Variants in GRK5 observed in about 807,000 individuals in gnomAD.
The protein encoded by GRK5 is g protein-coupled receptor kinase GRK5.
A neutral mutation model predicts 78.4 loss-of-function variants in GRK5; 40 were observed. That is an observed-to-expected ratio of 0.51 (90% CI 0.40 to 0.66). GRK5 has a LOEUF of 0.66. Ranked by LOEUF, GRK5 falls within the 30% of genes least tolerant of loss-of-function variation. The pLI is 0.00. For synonymous variants in GRK5, 289 were observed against 296.8 expected (o/e 0.97, Z 0.27); for missense variants, 598 against 759.9 (o/e 0.79, Z 2.50).
intron 2 of GRK5, among the ~76,000 whole-genome samples, chr10:119,356,238 G>T (rs1469703248): frequency 6.6e-6 from 1 of 152,174 alleles, no homozygotes; most frequent in Non-Finnish European, 1.5e-5. Flanking sequence ...TTCATTATTT[G>T]ATATTCTTAG....
At chr10:119,269,353 A>G (rs1410705209) in intron 1 of GRK5, among the ~76,000 whole-genome samples, 1 of 152,150 alleles carries the variant, frequency 6.6e-6, no homozygotes, top group Non-Finnish European at 1.5e-5. Flanking sequence ...CCCCAAACCC[A>G]TGGAAGGGGT....
In GRK5 at chr10:119,271,153, C is replaced by T. The variant is rs577456478; in HGVS notation, c.53-55363C>T. On this transcript the variant is annotated intron_variant, in intron 1 of 15. Transcript: ENST00000392870. This position sits in a 1 kb window ranked among gnomAD's most constrained non-coding sequence, Gnocchi z 4.1. ...GCACCAGGACCTGGGGTGGCGCCGG[C>T]GCCGTTAGGGAGGGAGTGTTCACCG... Among the ~76,000 whole-genome samples the T allele has an allele frequency of 9.8e-5, 15 of 152,328 alleles. No individual in the cohort carries two copies. The highest frequency in any genetic ancestry group is 2.2e-4 in the African/African-American group (9 of 41,586).
intron 2 of GRK5, among the ~76,000 whole-genome samples, chr10:119,343,934 C>T (rs1275951907): frequency 1.3e-5 from 2 of 152,116 alleles, no homozygotes; most frequent in Non-Finnish European, 2.9e-5. Context: ...AAGTATCCAG[C>T]CCAGGACTTG....
chr10:119,396,707 G>T lies in GRK5; in HGVS notation c.274G>T (p.Val92Phe). 1 of 1,612,654 alleles carries T rather than the reference G, an allele frequency of 6.2e-7. No homozygotes were observed. Among genetic ancestry groups the T allele is most frequent in the East Asian group, 2.2e-5 (1 of 44,888 alleles). ...QFLDSVAEYE[V>F]TPDEKLGEKG... ...CCTTCTGTTTTAGGCAGAATATGAA[G>T]TTACTCCAGATGAAAAACTGGGAGA... Residue 92 changes from valine (V) to phenylalanine (F), a missense_variant, in exon 4 of 16, where the codon GTT becomes TTT. Val to Phe is a conservative substitution (Grantham distance 50, BLOSUM62 -1). Coordinates refer to ENST00000392870, the MANE Select transcript of GRK5 (RefSeq NM_005308.3).
chr10:119,266,131 G>A (rs1441320239), intron 1 of GRK5, among the ~76,000 whole-genome samples: 1 of 152,222 alleles, frequency 6.6e-6, no homozygotes, highest in East Asian at 1.9e-4. Context: ...GGCCTGGACT[G>A]TGCAGTCTGA....
chr10:119,269,958 G>T (rs1849559715), intron 1 of GRK5, among the ~76,000 whole-genome samples: 1 of 151,936 alleles, frequency 6.6e-6, no homozygotes. Context: ...AGGGGGCCTT[G>T]TGCCAGTCCC....
chr10:119,452,086 C>T lies in GRK5; in HGVS notation c.1405-585C>T, dbSNP rs1040518603. Among the ~76,000 whole-genome samples, 34 of 152,184 alleles carry T rather than the reference C, an allele frequency of 2.2e-4. No homozygotes were observed. Among genetic ancestry groups the T allele is most frequent in the African/African-American group, 7.0e-4 (29 of 41,434 alleles). Reference sequence around the variant, plus strand: ...AGGCCCCCAGTGCACAGCTGAGGGACGAGTAAGGCAAAAGATATGCCTACC... The same window carrying T: ...AGGCCCCCAGTGCACAGCTGAGGGATGAGTAAGGCAAAAGATATGCCTACC... On this transcript the variant is annotated intron_variant, in intron 13 of 15. Coordinates refer to ENST00000392870, the MANE Select transcript of GRK5 (RefSeq NM_005308.3). The surrounding 1 kb of genome is among the most constrained non-coding windows in gnomAD (Gnocchi z 4.4).
At position 119,238,643 on chromosome 10, in the gene GRK5, G is replaced by T. The variant is rs1848971514; in HGVS notation, c.52+30674G>T. 6.6e-6 allele frequency among the ~76,000 whole-genome samples: 1 copy of T among 152,212 alleles called. No homozygotes were observed. The highest frequency in any genetic ancestry group is 1.5e-5 in the Non-Finnish European group (1 of 68,046). On this transcript the variant is annotated intron_variant, in intron 1 of 15. Coordinates refer to ENST00000392870, the MANE Select transcript of GRK5 (RefSeq NM_005308.3). The surrounding 1 kb of genome is among the most constrained non-coding windows in gnomAD (Gnocchi z 4.7). Reference sequence around the variant, plus strand: ...GCCGTTGACCTGAGCTTCAGTGCCAGAGAGTCGAGCAAAGAGAATATCACT... The same window carrying T: ...GCCGTTGACCTGAGCTTCAGTGCCATAGAGTCGAGCAAAGAGAATATCACT...
At chr10:119,383,443 C>G (rs1447059420) in intron 3 of GRK5, among the ~76,000 whole-genome samples, 2 of 152,224 alleles carry the variant, frequency 1.3e-5, no homozygotes, top group African/African-American at 4.8e-5. Context: ...AACATGGCAA[C>G]ATTCTAATTC....
chr10:119,314,061 G>A (rs1338634452), intron 1 of GRK5, among the ~76,000 whole-genome samples: 1 of 152,212 alleles, frequency 6.6e-6, no homozygotes, highest in Admixed American at 6.5e-5. Flanking sequence ...ACTTTCTGGG[G>A]TCAGGAGAAC....
intron 2 of GRK5, among the ~76,000 whole-genome samples, chr10:119,359,137 GGGGTT>G (rs1851316745): frequency 6.6e-6 from 1 of 152,174 alleles, no homozygotes; most frequent in African/African-American, 2.4e-5. Flanking sequence ...TCACACCAGG[GGGGTT>G]GCTGGTGCTG....
At chr10:119,285,766 C>T (rs1324783995) in intron 1 of GRK5, among the ~76,000 whole-genome samples, 1 of 152,094 alleles carries the variant, frequency 6.6e-6, no homozygotes, top group Non-Finnish European at 1.5e-5. Flanking sequence ...AAGCCATATC[C>T]GTGGAGGTAG....
rs149427927 is a variant in GRK5, at chr10:119,442,042, C to A, written c.1011C>A (p.Pro337=). The A allele has an allele frequency of 2.5e-6, 4 of 1,613,868 alleles. No homozygotes were observed. In the African/African-American group the frequency reaches 4.0e-5, roughly 16 times the overall value. ...ISDLGLAVKI[P]EGDLIRGRVG... is the part of the protein sequence containing the mutation. ...ACCTGGGCTTGGCTGTGAAGATCCC[C>A]GAGGGAGACCTGATCCGCGGCCGGG... The change falls in exon 11 of 16, where the codon CCC becomes CCA. Residue 337 remains proline, a synonymous_variant. Coordinates refer to ENST00000392870, the MANE Select transcript of GRK5 (RefSeq NM_005308.3).
chr10:119,316,074 G>A (rs11198873), intron 1 of GRK5, among the ~76,000 whole-genome samples: 105,342 of 151,932 alleles, frequency 0.69, 38,101 homozygotes, highest in Non-Finnish European at 0.79. Context: ...AGTGCCCCCA[G>A]ACTATTCTGG....
intron 2 of GRK5, among the ~76,000 whole-genome samples, chr10:119,367,323 G>A (rs1851465539): frequency 6.6e-6 from 1 of 152,190 alleles, no homozygotes; most frequent in African/African-American, 2.4e-5. Flanking sequence ...GCATTGGTGA[G>A]CTCGTGTGCC....
intron 3 of GRK5, among the ~76,000 whole-genome samples, chr10:119,384,579 C>T (rs191279226): frequency 7.9e-5 from 12 of 152,346 alleles, no homozygotes; most frequent in Admixed American, 4.6e-4. Context: ...CTCAGTGAAC[C>T]TAGCCATTGA....
intron 1 of GRK5, among the ~76,000 whole-genome samples, chr10:119,285,146 G>C (rs552960942): frequency 6.6e-6 from 1 of 152,320 alleles, no homozygotes; most frequent in Admixed American, 6.5e-5. Context: ...TACATCATGG[G>C]TTCACGTTGG....
intron 1 of GRK5, among the ~76,000 whole-genome samples, chr10:119,265,300 C>A (rs895857610): frequency 6.6e-6 from 1 of 152,188 alleles, no homozygotes; most frequent in African/African-American, 2.4e-5. Flanking sequence ...CTGAGGCCCC[C>A]CCGCAGGTGA....
chr10:119,364,155 A>G (rs1205953456), intron 2 of GRK5, among the ~76,000 whole-genome samples: 1 of 152,166 alleles, frequency 6.6e-6, no homozygotes, highest in East Asian at 1.9e-4. Context: ...ATCTTAAAGA[A>G]AGGGAGGGAG....
Sources: allele counts gnomAD v4.1 joint callset (sites outside exome capture counted in the v4.1 genomes callset), GRCh38; gene constraint gnomAD v4.1.1; non-coding constraint Gnocchi (gnomAD v3.1); transcripts MANE v1.5; gene names NCBI Gene and HGNC (gene_info 2026-07-23, HGNC 2026-07-21).